Variants in DMXL2 observed in about 807,000 individuals in gnomAD.
The protein encoded by DMXL2 is dmX-like protein 2.
DMXL2 carries 103 observed loss-of-function variants against 331.1 expected under a neutral mutation model. The observed-to-expected ratio is 0.31, with a 90% CI of 0.27 to 0.37. The LOEUF (loss-of-function observed/expected upper bound fraction) is 0.37, where lower values mean the gene tolerates loss of function less well. Ranked by LOEUF, DMXL2 falls within the 10% of genes least tolerant of loss-of-function variation. DMXL2 has a pLI of 1.00. For synonymous variants in DMXL2, 1,281 were observed against 1,252.1 expected, an observed-to-expected ratio of 1.02 and a Z score of -0.49; for missense variants, 3,171 against 3,642.9, an observed-to-expected ratio of 0.87 and a Z score of 3.33.
At position 51,514,492 on chromosome 15, in the gene DMXL2, T is replaced by G. The variant is rs1348963566; in HGVS notation, c.2594A>C (p.Lys865Thr). Residue 865 changes from lysine to threonine, a missense_variant, in exon 15 of 44, where the codon AAG becomes ACG. Physicochemically the swap from Lys to Thr is moderately conservative, Grantham distance 78 (BLOSUM62 -1). This residue lies in a region of DMXL2 where 1,674 missense variants were observed against 1,780.2 expected (regional missense o/e 0.94). Transcript: ENST00000560891. ...EDFIIGYKPH[K>T]EDMEKKETEI... The stretch of plus-strand genomic sequence containing the variant: ...TGTTTCCTTTTTCTCCATATCTTCC[T>G]TATGTGGTTTATATCCTATAATGAA... 4 of 1,598,828 alleles carry G rather than the reference T, an allele frequency of 2.5e-6. No homozygotes were observed. The highest frequency in any genetic ancestry group is 3.4e-6 in the Non-Finnish European group (4 of 1,172,276).
intron 13 of DMXL2, among the ~76,000 whole-genome samples, chr15:51,532,263 T>A (rs2048043144): frequency 6.6e-6 from 1 of 152,080 alleles, no homozygotes; most frequent in African/African-American, 2.4e-5. Context: ...TTATTTTAAG[T>A]GAAATAAGCC....
At chr15:51,532,031 A>C (rs571179256) in intron 13 of DMXL2, among the ~76,000 whole-genome samples, 2 of 152,324 alleles carry the variant, frequency 1.3e-5, no homozygotes, top group South Asian at 2.1e-4. Flanking sequence ...GCACATACCC[A>C]AAAGAACGAA....
At position 51,481,169 on chromosome 15, in the gene DMXL2, A is replaced by G; in HGVS notation, c.5937T>C (p.Gly1979=). 1 of 1,613,692 alleles carries G rather than the reference A, an allele frequency of 6.2e-7. No homozygotes were observed. The highest frequency in any genetic ancestry group is 2.2e-5 in the East Asian group (1 of 44,866). The change falls in exon 24 of 44, where the codon GGT becomes GGC. Residue 1979 remains glycine (G), a synonymous_variant. Coordinates refer to ENST00000560891, the MANE Select transcript of DMXL2 (RefSeq NM_001378457.1). ...VDEEPLNLDW[G]EDHDSALDEE... Reference sequence around the variant, plus strand: ...CATCTAAGGCACTGTCGTGATCTTCACCCCAATCAAGATTAAGAGGTTCCT... The same window carrying G: ...CATCTAAGGCACTGTCGTGATCTTCGCCCCAATCAAGATTAAGAGGTTCCT...
chr15:51,500,402 A>G (rs1483511610), intron 17 of DMXL2, among the ~76,000 whole-genome samples, 171 bp from the exon 18 acceptor site: 1 of 152,218 alleles, frequency 6.6e-6, no homozygotes, highest in Non-Finnish European at 1.5e-5. Flanking sequence ...ATTGGCCAAC[A>G]TATCTATAAA....
At chr15:51,542,645 A>C in intron 8 of DMXL2, 138 bp from the exon 9 acceptor site, 1 of 612,292 alleles carries the variant, frequency 1.6e-6, no homozygotes, top group Non-Finnish European at 2.7e-6. Context: ...TTTTTAAATT[A>C]CAGTAGAACT....
intron 13 of DMXL2, among the ~76,000 whole-genome samples, chr15:51,519,193 A>G (rs2047203887): frequency 6.6e-6 from 1 of 151,744 alleles, no homozygotes; most frequent in Non-Finnish European, 1.5e-5. Flanking sequence ...GTCTTGCTCT[A>G]TTGGCCTCCA....
rs1199715681 is a variant in DMXL2, at chr15:51,539,341, A to G, written c.1106-889T>C. 5.9e-5 allele frequency among the ~76,000 whole-genome samples: 9 copies of G among 152,346 alleles called. No homozygotes were observed. In the South Asian group the frequency reaches 1.7e-3, roughly 28 times the overall value. ...CTGTTGAATCAAAGTGAAGAATATA[A>G]AAGTATTAACTGTACTATTCTTCCA... On this transcript the variant is annotated intron_variant, in intron 9 of 43. Transcript: ENST00000560891.
At chr15:51,486,869 G>C (rs759561909) in intron 22 of DMXL2, among the ~76,000 whole-genome samples, 4 of 151,786 alleles carry the variant, frequency 2.6e-5, no homozygotes, top group Admixed American at 1.3e-4. Context: ...CTCTTTGCTT[G>C]AATATCTTCT....
intron 39 of DMXL2, among the ~76,000 whole-genome samples, chr15:51,455,527 T>C (rs1566974489): frequency 6.6e-6 from 1 of 152,142 alleles, no homozygotes; most frequent in African/African-American, 2.4e-5. Context: ...ACCTTCTGAG[T>C]AGCTAGGACT....
chr15:51,616,073 A>C (rs2054265538), intron 1 of DMXL2, among the ~76,000 whole-genome samples: 1 of 152,214 alleles, frequency 6.6e-6, no homozygotes, highest in Non-Finnish European at 1.5e-5. Flanking sequence ...ATTAAATGTT[A>C]TTACTCCCAA....
intron 6 of DMXL2, among the ~76,000 whole-genome samples, chr15:51,559,561 A>T (rs2049819439): frequency 6.6e-6 from 1 of 152,154 alleles, no homozygotes; most frequent in Admixed American, 6.5e-5. Context: ...CCAAAAAAAA[A>T]TAGATAAAAC....
intron 8 of DMXL2, among the ~76,000 whole-genome samples, chr15:51,543,251 G>A (rs752117837): frequency 1.3e-5 from 2 of 151,948 alleles, no homozygotes; most frequent in African/African-American, 4.8e-5. Flanking sequence ...AACCCACTCC[G>A]AAGACCATGT....
In DMXL2 at chr15:51,486,135, T is replaced by G; in HGVS notation, c.5420A>C (p.Asp1807Ala). The change falls in exon 23 of 44, where the codon GAT becomes GCT. Residue 1807 changes from aspartate (D) to alanine (A), a missense_variant. By Grantham distance (126) the Asp-to-Ala change is moderately radical. Transcript: ENST00000560891. ...TAATGTGTCCAAGGCTCGGGTGTAA[T>G]CTTTCATTACCCAATAGGCAAGACT... ...LRSLAYWVMK[D>A]YTRALDTLLE... The G allele has an allele frequency of 3.2e-5, 52 of 1,614,066 alleles. No individual in the cohort carries two copies. The highest frequency in any genetic ancestry group is 4.1e-5 in the Non-Finnish European group (48 of 1,179,934).
Position 51,474,601 on chromosome 15 carries a change from G to T in DMXL2, c.6965-9C>A, listed in dbSNP as rs754294980. The T allele has an allele frequency of 1.4e-5, 22 of 1,586,192 alleles. No individual in the cohort carries two copies. In the East Asian group the frequency reaches 4.1e-4, roughly 29 times the overall value. On this transcript the variant is annotated splice_polypyrimidine_tract_variant and intron_variant, in intron 27 of 43. Coordinates refer to ENST00000560891, the MANE Select transcript of DMXL2 (RefSeq NM_001378457.1). Reference sequence around the variant, plus strand: ...AATAAGTGAGCTCACACCTATAAGGGTATATAAAATCATAAGACGTATGTC... The same window carrying T: ...AATAAGTGAGCTCACACCTATAAGGTTATATAAAATCATAAGACGTATGTC...
intron 8 of DMXL2, 67 bp from the exon 9 acceptor site, chr15:51,542,574 T>C: frequency 8.1e-7 from 1 of 1,234,148 alleles, no homozygotes; most frequent in Non-Finnish European, 1.1e-6. Context: ...CAAAGTACTC[T>C]TAATTATTAA....
chr15:51,604,965 A>G (rs1337685365), intron 1 of DMXL2, among the ~76,000 whole-genome samples: 1 of 152,192 alleles, frequency 6.6e-6, no homozygotes, highest in African/African-American at 2.4e-5. Flanking sequence ...ATTTTTTACA[A>G]AGGTACAAAG....
chr15:51,483,344 C>G (rs2042155344), intron 23 of DMXL2, among the ~76,000 whole-genome samples: 1 of 152,188 alleles, frequency 6.6e-6, no homozygotes, highest in Non-Finnish European at 1.5e-5. Context: ...ACACTGGGGA[C>G]CCGTCTTCAT....
At position 51,581,935 on chromosome 15, in the gene DMXL2, G is replaced by A. The variant is rs531788073; in HGVS notation, c.88-5754C>T. On this transcript the variant is annotated intron_variant, in intron 1 of 43. Coordinates refer to ENST00000560891, the MANE Select transcript of DMXL2 (RefSeq NM_001378457.1). Reference sequence around the variant, plus strand: ...AATCAAGGTGTACTAAGCATGTTGAGAGGTTTAACAAAGTACTATAATCTT... The same window carrying A: ...AATCAAGGTGTACTAAGCATGTTGAAAGGTTTAACAAAGTACTATAATCTT... Among the ~76,000 whole-genome samples the A allele has an allele frequency of 3.9e-5, 6 of 152,238 alleles. No homozygotes were observed. In the East Asian group the frequency reaches 9.7e-4, roughly 25 times the overall value.
chr15:51,453,523 T>C (rs1244134688), intron 41 of DMXL2, 27 bp downstream of exon 41: 5 of 1,542,286 alleles, frequency 3.2e-6, no homozygotes, highest in Non-Finnish European at 4.4e-6. Context: ...TTTTTATATT[T>C]CTTACTTTGC....
Sources: allele counts gnomAD v4.1 joint callset (sites outside exome capture counted in the v4.1 genomes callset), GRCh38; gene constraint gnomAD v4.1.1; regional missense constraint gnomAD v4.1.1; transcripts MANE v1.5; gene names NCBI Gene and HGNC (gene_info 2026-07-23, HGNC 2026-07-21).